The following GHRHR variants were observed in gnomAD, a reference collection of about 807,000 sequenced individuals.
The protein encoded by GHRHR is growth hormone releasing hormone receptor.
Under a neutral mutation model 58.3 loss-of-function variants are expected in GHRHR, and 40 were observed. The observed-to-expected ratio is 0.69, with a 90% CI of 0.53 to 0.89. GHRHR has a LOEUF of 0.89. Among genes scored for constraint, GHRHR ranks in the 40% least tolerant of loss-of-function variants. GHRHR has a pLI of 0.00. For synonymous variants in GHRHR, 249 were observed against 216.6 expected (o/e 1.15, Z -1.31); for missense variants, 551 against 541.3 (o/e 1.02, Z -0.18).
In GHRHR at chr7:30,969,112, T is replaced by C. The variant is rs1312722300; in HGVS notation, c.210T>C (p.Ser70=). The change falls in exon 3 of 13, where the codon TCT becomes TCC. Residue 70 remains serine, a synonymous_variant. Coordinates refer to ENST00000326139, the MANE Select transcript of GHRHR (RefSeq NM_000823.4). ...TGCTGTGCTGGCCAACGGCAGGCTC[T>C]GGCGAGTGGGTCACCCTCCCCTGCC... ...DGLLCWPTAG[S]GEWVTLPCPD... is the part of the protein sequence containing the mutation. 5.1e-6 allele frequency: 8 copies of C among 1,580,230 alleles called. No homozygotes were observed. The highest frequency in any genetic ancestry group is 6.9e-6 in the Non-Finnish European group (8 of 1,162,982).
chr7:30,969,918 C>G lies in GHRHR; in HGVS notation c.320C>G (p.Pro107Arg). 1 of 1,581,810 alleles carries G rather than the reference C, an allele frequency of 6.3e-7. No homozygotes were observed. The highest frequency in any genetic ancestry group is 8.7e-7 in the Non-Finnish European group (1 of 1,150,404). Residue 107 changes from proline (P) to arginine (R), a missense_variant, in exon 4 of 13, where the codon CCT (proline) becomes CGT (arginine). By Grantham distance (103) the Pro-to-Arg change is moderately radical. Coordinates refer to ENST00000326139, the MANE Select transcript of GHRHR (RefSeq NM_000823.4). ...ACTGGCTGGTCTGAGCCCTTTCCAC[C>G]TTACCCTGTGGCCTGCCCTGTGCCT... The part of the protein sequence containing the change: ...TITGWSEPFP[P>R]YPVACPVPLE...
At chr7:30,969,831 A>C in intron 3 of GHRHR, 36 bp from the exon 4 acceptor site, 13 of 1,608,024 alleles carry the variant, frequency 8.1e-6, no homozygotes, top group Non-Finnish European at 1.1e-5. Flanking sequence ...GGGAGAGGGA[A>C]GGAGTTGTGG....
intron 12 of GHRHR, among the ~76,000 whole-genome samples, 160 bp downstream of exon 12, chr7:30,977,482 T>G (rs1179336624): frequency 6.6e-6 from 1 of 152,222 alleles, no homozygotes; most frequent in Non-Finnish European, 1.5e-5. Context: ...TGGATCAAGC[T>G]GAACCGGAAT....
rs35808991 is a variant in GHRHR at position 30,974,154 on chromosome 7, G to A, written c.751+16G>A. 23 of 1,612,808 alleles carry A rather than the reference G, an allele frequency of 1.4e-5. No individual in the cohort carries two copies. The highest frequency in any genetic ancestry group is 1.1e-4 in the East Asian group (5 of 44,840). On this transcript the variant is annotated intron_variant, in intron 7 of 12. Transcript: ENST00000326139. ...GCTGGCTGGGGTGAGCACTGAGGGC[G>A]GGTTGGGCACCATGGGGAGGTAAAG...
chr7:30,975,435 T>C (rs1350990911), intron 9 of GHRHR, among the ~76,000 whole-genome samples: 1 of 152,122 alleles, frequency 6.6e-6, no homozygotes, highest in Admixed American at 6.5e-5. Flanking sequence ...CTTTGGTAAA[T>C]GTACAAATGT....
chr7:30,976,123 G>C (rs1337980726), intron 10 of GHRHR: 4 of 579,048 alleles, frequency 6.9e-6, no homozygotes, highest in Non-Finnish European at 1.2e-5. Flanking sequence ...CCTGGGGAGA[G>C]GGATCCTTTC....
Position 30,976,441 on chromosome 7 carries a change from G to A in GHRHR, c.987G>A (p.Lys329=), listed in dbSNP as rs1792586956. 1 of 1,613,626 alleles carries A rather than the reference G, an allele frequency of 6.2e-7. No individual in the cohort carries two copies. The highest frequency in any genetic ancestry group is 8.5e-7 in the Non-Finnish European group (1 of 1,179,728). ...GTCTTTCCTGCAGGCGTCTCTCCAA[G>A]TCGACACTTTTCCTGATCCCACTCT... ...HTQSQYWRLS[K]STLFLIPLFG... is the part of the protein sequence containing the mutation. The change falls in exon 11 of 13, where the codon AAG becomes AAA. Residue 329 remains lysine (K), a synonymous_variant. Coordinates refer to ENST00000326139, the MANE Select transcript of GHRHR (RefSeq NM_000823.4).
intron 12 of GHRHR, among the ~76,000 whole-genome samples, chr7:30,977,625 C>T (rs1047008714): frequency 4.6e-5 from 7 of 152,196 alleles, no homozygotes; most frequent in Middle Eastern, 3.4e-3. Flanking sequence ...AGGAATCCCC[C>T]AATTCTGTGT....
At chr7:30,965,236 A>G (rs1792323940) in intron 1 of GHRHR, among the ~76,000 whole-genome samples, 1 of 152,170 alleles carries the variant, frequency 6.6e-6, no homozygotes, top group Non-Finnish European at 1.5e-5. Context: ...TAGCAGGGGT[A>G]CCCAAGATCT....
At position 30,976,675 on chromosome 7, in the gene GHRHR, A is replaced by G. The variant is rs137911648; in HGVS notation, c.1104+117A>G. 166 of 842,932 alleles carry G rather than the reference A, an allele frequency of 2.0e-4. No homozygotes were observed. In the African/African-American group the frequency reaches 2.2e-3, roughly 11 times the overall value. The allele number at this position is 842,932 out of a possible 1,614,324, so 52.2% of individuals were successfully genotyped here. ...TGAGGGCTATGTTTTTCATCCATCT[A>G]TTCAAATATCTGTCTGTCTGTCCAT... On this transcript the variant is annotated intron_variant, in intron 11 of 12. Coordinates refer to ENST00000326139, the MANE Select transcript of GHRHR (RefSeq NM_000823.4).
At chr7:30,966,369 C>G (rs947376070) in intron 1 of GHRHR, among the ~76,000 whole-genome samples, 1 of 145,526 alleles carries the variant, frequency 6.9e-6, no homozygotes, top group Non-Finnish European at 1.5e-5. Context: ...TGACATGGAT[C>G]CTGCTAGACA....
chr7:30,965,700 C>T (rs1792333698), intron 1 of GHRHR, among the ~76,000 whole-genome samples: 1 of 152,150 alleles, frequency 6.6e-6, no homozygotes, highest in South Asian at 2.1e-4. Context: ...CCAAATTGGC[C>T]CTGAAAAGTT....
At chr7:30,974,159 G>A (rs1294763158) in intron 7 of GHRHR, 21 bp downstream of exon 7, 1 of 1,611,704 alleles carries the variant, frequency 6.2e-7, no homozygotes, top group Non-Finnish European at 8.5e-7. Flanking sequence ...AGGGCGGGTT[G>A]GGCACCATGG....
chr7:30,971,349 T>C, intron 5 of GHRHR, 133 bp downstream of exon 5: 1 of 699,994 alleles, frequency 1.4e-6, no homozygotes, highest in South Asian at 1.5e-5. Flanking sequence ...AACTTTCCCT[T>C]CCCTTTTCCC....
rs992892123 is a variant in GHRHR at position 30,964,101 on chromosome 7, C to T, written c.33C>T (p.Phe11=). 14 of 1,549,978 alleles carry T rather than the reference C, an allele frequency of 9.0e-6. No homozygotes were observed. The highest frequency in any genetic ancestry group is 1.2e-5 in the Non-Finnish European group (14 of 1,146,972). Residue 11 remains phenylalanine, a synonymous_variant, in exon 1 of 13, where the codon TTC becomes TTT. Transcript: ENST00000326139. ...GCCGGATGTGGGGGGCCCACGTCTT[C>T]TGCGTGTTGAGCCCGTTACCGACCG... The part of the protein sequence containing the change: MDRRMWGAHV[F]CVLSPLPTVL...
intron 1 of GHRHR, among the ~76,000 whole-genome samples, chr7:30,965,136 C>G (rs1288912235): frequency 6.6e-6 from 1 of 152,158 alleles, no homozygotes; most frequent in East Asian, 1.9e-4. Context: ...TCTGATTTGT[C>G]AAGGGCTGGG....
In GHRHR at chr7:30,971,969, C is replaced by A. The variant is rs1792488451; in HGVS notation, c.471C>A (p.Leu157=). 3.1e-6 allele frequency: 5 copies of A among 1,613,868 alleles called. No individual in the cohort carries two copies. In the African/African-American group the frequency reaches 6.7e-5, roughly 22 times the overall value. Residue 157 remains leucine, a synonymous_variant, in exon 6 of 13, where the codon CTC becomes CTA. Transcript: ENST00000326139. ...TTTCTCCCATTACCCCCAGGAGGCT[C>A]CACTGCCCCCGGAACTACGTCCACA... ...AITILVALRR[L]HCPRNYVHTQ...
At chr7:30,964,534 T>A (rs1400951519) in intron 1 of GHRHR, among the ~76,000 whole-genome samples, 1 of 152,218 alleles carries the variant, frequency 6.6e-6, no homozygotes, top group Non-Finnish European at 1.5e-5. Context: ...GCACCTGTGA[T>A]GCTTCCACAC....
chr7:30,971,109 C>T lies in GHRHR; in HGVS notation c.367-10C>T, dbSNP rs773214262. On this transcript the variant is annotated splice_polypyrimidine_tract_variant and intron_variant, in intron 4 of 12. Transcript: ENST00000326139. ...AAGCTGAGACTTTCTTCTGTCTCTG[C>T]CCTTCCCAGGAATCTTACTTCTCCA... The T allele has an allele frequency of 2.4e-6, 3 of 1,232,868 alleles. No homozygotes were observed. The highest frequency in any genetic ancestry group is 3.5e-6 in the Non-Finnish European group (3 of 855,416). The allele number at this position is 1,232,868 out of a possible 1,614,324, so 76.4% of individuals were successfully genotyped here. A position where few individuals can be genotyped will look rare whatever the true frequency, so the allele number is the denominator to read the frequency against.
Sources: gnomAD v4.1 joint callset for allele counts (sites outside exome capture counted in the v4.1 genomes callset) on GRCh38, gnomAD v4.1.1 for gene constraint, MANE v1.5 for transcripts, NCBI Gene and HGNC (gene_info 2026-07-23, HGNC 2026-07-21) for gene names.